The following EYA2 variants were observed in gnomAD, a reference collection of about 807,000 sequenced individuals.
The protein encoded by EYA2 is protein phosphatase EYA2.
Under a neutral mutation model 69.2 loss-of-function variants are expected in EYA2, and 31 were observed. The observed-to-expected ratio is 0.45, with a 90% CI of 0.34 to 0.60. The LOEUF (loss-of-function observed/expected upper bound fraction) is 0.60, where lower values mean the gene tolerates loss of function less well. Ranked by LOEUF, EYA2 falls within the 20% of genes least tolerant of loss-of-function variation. EYA2 has a pLI of 0.02. For synonymous variants in EYA2, 257 were observed against 279.4 expected (o/e 0.92, Z 0.80); for missense variants, 622 against 701.2 (o/e 0.89, Z 1.28).
chr20:47,051,513 T>C (rs1375734993), intron 5 of EYA2, among the ~76,000 whole-genome samples: 3 of 152,336 alleles, frequency 2.0e-5, no homozygotes, highest in African/African-American at 7.2e-5. Flanking sequence ...TTGCTCATAA[T>C]CTGTGAGTTT....
intron 10 of EYA2, among the ~76,000 whole-genome samples, chr20:47,158,034 C>T (rs911303920): frequency 2.0e-4 from 30 of 152,008 alleles, no homozygotes; most frequent in African/African-American, 7.2e-4. Flanking sequence ...ATCCCAGCAC[C>T]TACCTTCATC....
At chr20:46,983,766 A>G (rs1048131974) in intron 1 of EYA2, among the ~76,000 whole-genome samples, 7 of 152,272 alleles carry the variant, frequency 4.6e-5, no homozygotes, top group Admixed American at 2.6e-4. Flanking sequence ...CCCCAGCCCC[A>G]TAAGACTGGA....
At chr20:47,177,284 T>A (rs969050168) in intron 12 of EYA2, among the ~76,000 whole-genome samples, 34 of 151,872 alleles carry the variant, frequency 2.2e-4, no homozygotes, top group African/African-American at 8.0e-4. Context: ...GGCTAATTTT[T>A]AAATTTTTTG....
At chr20:47,075,476 A>G (rs1393329907) in intron 7 of EYA2, among the ~76,000 whole-genome samples, 1 of 152,114 alleles carries the variant, frequency 6.6e-6, no homozygotes, top group Non-Finnish European at 1.5e-5. Context: ...GTTGGCCCCC[A>G]TAACCAGCAC....
intron 1 of EYA2, chr20:46,978,334 G>T: frequency 3.0e-6 from 1 of 330,920 alleles, no homozygotes; most frequent in Non-Finnish European, 6.0e-6. Context: ...TGACTGGTGT[G>T]TGTGATAGAG....
At position 47,016,314 on chromosome 20, in the gene EYA2, G is replaced by A; in HGVS notation, c.415+17G>A. The A allele has an allele frequency of 1.3e-6, 2 of 1,593,802 alleles. No homozygotes were observed. On this transcript the variant is annotated intron_variant, in intron 5 of 15. Coordinates refer to ENST00000327619, the MANE Select transcript of EYA2 (RefSeq NM_005244.5). ...AGATGCACGGTCAGTGTGGCGCTGT[G>A]GCCCCTTCCTGCCCATCTCTAAGGA...
At position 46,955,168 on chromosome 20, in the gene EYA2, CTCTTG is replaced by C. The variant is rs576513058; in HGVS notation, c.-10-34831_-10-34827del. On this transcript the variant is annotated intron_variant, in intron 1 of 15. Transcript: ENST00000327619. ...TTTTTTTTTTTGAGATGGAGTTTCA[CTCTTG>C]TTGCCCAGGCTGGAGTGCAATGGCG... Among the ~76,000 whole-genome samples, 30 of 146,756 alleles carry C rather than the reference CTCTTG, an allele frequency of 2.0e-4. 1 individual carries two copies. The South Asian group carries it at 6.5e-3, about 32-fold the overall frequency.
intron 12 of EYA2, among the ~76,000 whole-genome samples, chr20:47,174,659 G>A (rs975382261): frequency 2.0e-5 from 3 of 152,212 alleles, no homozygotes; most frequent in African/African-American, 4.8e-5. Context: ...AGGAGCACTC[G>A]CTCTGCCAGT....
intron 1 of EYA2, among the ~76,000 whole-genome samples, chr20:46,929,398 A>G (rs6018187): frequency 0.16 from 22,339 of 138,976 alleles, 1,799 homozygotes; most frequent in African/African-American, 0.18. Context: ...CAGGAGAAAA[A>G]GCTTGTGGAC....
At chr20:46,898,548 C>CA (rs1357094163) in intron 1 of EYA2, among the ~76,000 whole-genome samples, 3 of 152,052 alleles carry the variant, frequency 2.0e-5, no homozygotes, top group Non-Finnish European at 4.4e-5. Flanking sequence ...CCTAAACATA[C>CA]AAAACAAAAA....
chr20:47,173,533 C>A (rs4434051), intron 12 of EYA2, among the ~76,000 whole-genome samples: 73,641 of 130,116 alleles, frequency 0.57, 22,059 homozygotes, highest in African/African-American at 0.8. Flanking sequence ...AAAAAAAAAA[C>A]GTGCAGGGTC....
chr20:47,156,035 TACAC>T (rs146224832), intron 10 of EYA2, among the ~76,000 whole-genome samples: 15 of 70,176 alleles, frequency 2.1e-4, no homozygotes, highest in African/African-American at 7.4e-4. Context: ...TATATATACA[TACAC>T]ACACACACAC....
intron 10 of EYA2, among the ~76,000 whole-genome samples, chr20:47,157,086 G>A (rs2033967591): frequency 6.6e-6 from 1 of 151,894 alleles, no homozygotes; most frequent in Admixed American, 6.6e-5. Context: ...TGGGGATGGT[G>A]GCTCATGCCT....
chr20:46,940,706 G>A (rs759562753), intron 1 of EYA2, among the ~76,000 whole-genome samples: 2 of 152,218 alleles, frequency 1.3e-5, no homozygotes, highest in African/African-American at 2.4e-5. Flanking sequence ...CTCCGGGAGG[G>A]AAGGTGACAG....
intron 1 of EYA2, among the ~76,000 whole-genome samples, chr20:46,930,133 G>A (rs1272538909): frequency 6.6e-6 from 1 of 152,196 alleles, no homozygotes; most frequent in Admixed American, 6.5e-5. Flanking sequence ...TTACCAGGAG[G>A]AACAGTTACA....
intron 14 of EYA2, among the ~76,000 whole-genome samples, chr20:47,182,280 G>A (rs1057120609): frequency 6.6e-6 from 1 of 151,604 alleles, no homozygotes; most frequent in African/African-American, 2.4e-5. Context: ...CTCCCAAAAT[G>A]CTGGGATTAC....
At chr20:46,980,412 T>C (rs774879578) in intron 1 of EYA2, among the ~76,000 whole-genome samples, 3 of 152,086 alleles carry the variant, frequency 2.0e-5, no homozygotes, top group Non-Finnish European at 4.4e-5. Context: ...AATAAAACGG[T>C]GTGGTTCGTA....
intron 5 of EYA2, among the ~76,000 whole-genome samples, chr20:47,050,202 G>A (rs535811881): frequency 2.6e-5 from 4 of 152,318 alleles, no homozygotes; most frequent in Admixed American, 6.5e-5. Flanking sequence ...TATGCCTGCC[G>A]GAGAGCTTGG....
intron 1 of EYA2, among the ~76,000 whole-genome samples, chr20:46,927,214 C>G (rs1411159044): frequency 6.6e-6 from 1 of 152,208 alleles, no homozygotes; most frequent in Non-Finnish European, 1.5e-5. Context: ...CATTGGAAAT[C>G]ACAGATGCCC....
Sources: gnomAD v4.1 joint callset for allele counts (sites outside exome capture counted in the v4.1 genomes callset) on GRCh38, gnomAD v4.1.1 for gene constraint, MANE v1.5 for transcripts, NCBI Gene and HGNC (gene_info 2026-07-23, HGNC 2026-07-21) for gene names.